The following PNPT1 variants were observed in gnomAD, a reference collection of about 807,000 sequenced individuals.
PNPT1 encodes polyribonucleotide nucleotidyltransferase 1, mitochondrial.
A neutral mutation model predicts 119.5 loss-of-function variants in PNPT1; 53 were observed. That is an observed-to-expected ratio of 0.44 (90% CI 0.36 to 0.56). The LOEUF (loss-of-function observed/expected upper bound fraction) is 0.56, where lower values mean the gene tolerates loss of function less well. Among genes scored for constraint, PNPT1 ranks in the 20% least tolerant of loss-of-function variants. PNPT1 has a pLI of 0.00. For missense variants in PNPT1, 948 were observed against 938.5 expected (o/e 1.01, Z -0.13); for synonymous variants, 357 against 322.1 (o/e 1.11, Z -1.16).
intron 24 of PNPT1, 25 bp from the exon 25 acceptor site, chr2:55,643,238 G>A (rs763023664): frequency 6.2e-7 from 1 of 1,613,992 alleles, no homozygotes; most frequent in Non-Finnish European, 8.5e-7. Flanking sequence ...TAAGCCATAA[G>A]ATTCATAAAG....
At chr2:55,651,636 G>GCGGAAGGC (rs1370320344) in intron 18 of PNPT1, among the ~76,000 whole-genome samples, 1 of 150,430 alleles carries the variant, frequency 6.6e-6, no homozygotes, top group African/African-American at 2.4e-5. Context: ...CACAAACACT[G>GCGGAAGGC]CGGAAGGCCG....
chr2:55,643,969 T>C (rs1440978262), intron 23 of PNPT1, among the ~76,000 whole-genome samples: 2 of 152,248 alleles, frequency 1.3e-5, no homozygotes, highest in East Asian at 3.8e-4. Context: ...GCTTGATTTC[T>C]TGAAATTCAC....
chr2:55,679,934 A>C (rs1357739045), intron 7 of PNPT1, 139 bp from the exon 8 acceptor site: 1 of 620,408 alleles, frequency 1.6e-6, no homozygotes, highest in African/African-American at 1.9e-5. Context: ...TTTAAGACCC[A>C]CAGAACATCC....
intron 2 of PNPT1, among the ~76,000 whole-genome samples, chr2:55,687,058 C>T (rs1372416013): frequency 4.6e-5 from 7 of 151,760 alleles, no homozygotes. Flanking sequence ...ACTAAAAATA[C>T]AAAAAATTAG....
chr2:55,680,813 A>C, intron 6 of PNPT1, 42 bp downstream of exon 6: 1 of 1,611,378 alleles, frequency 6.2e-7, no homozygotes, highest in Non-Finnish European at 8.5e-7. Context: ...GCTTTAAAAA[A>C]ATTTTTAATC....
intron 26 of PNPT1, among the ~76,000 whole-genome samples, chr2:55,638,690 A>G (rs1695751443): frequency 6.6e-6 from 1 of 152,128 alleles, no homozygotes; most frequent in African/African-American, 2.4e-5. Flanking sequence ...TAACATTCCA[A>G]TGAGTATCCC....
intron 6 of PNPT1, 47 bp downstream of exon 6, chr2:55,680,807 TA>T (rs1351636641): frequency 6.2e-7 from 1 of 1,611,278 alleles, no homozygotes; most frequent in South Asian, 1.1e-5. Flanking sequence ...TTCATTGCTT[TA>T]AAAAAATTTT....
chr2:55,693,102 G>A (rs917006982), intron 1 of PNPT1, among the ~76,000 whole-genome samples: 2 of 152,024 alleles, frequency 1.3e-5, no homozygotes, highest in Non-Finnish European at 2.9e-5. Context: ...CCTCTCCCAG[G>A]TCTTAAACGA....
chr2:55,671,269 A>C, intron 11 of PNPT1, 50 bp downstream of exon 11: 1 of 1,062,970 alleles, frequency 9.4e-7, no homozygotes, highest in Non-Finnish European at 1.3e-6. Flanking sequence ...GCCATGCCTT[A>C]TTAAAGCTGC....
At chr2:55,650,173 C>T (rs922303309) in intron 18 of PNPT1, among the ~76,000 whole-genome samples, 3 of 151,852 alleles carry the variant, frequency 2.0e-5, no homozygotes, top group African/African-American at 7.3e-5. Context: ...TCTACCTCTA[C>T]CCACGGTCTC....
chr2:55,643,188 G>T lies in PNPT1; in HGVS notation c.2039C>A (p.Ala680Glu), dbSNP rs1402295663. Residue 680 changes from alanine to glutamate, a missense_variant, in exon 25 of 28, where the codon GCA (alanine) becomes GAA (glutamate). Coordinates refer to ENST00000447944, the MANE Select transcript of PNPT1 (RefSeq NM_033109.5). ...DDQEQQLEFG[A>E]VYTATITEIR... is the part of the protein sequence containing the mutation. ...TTCAGTTATTGTGGCGGTATATACT[G>T]CTCCAAATTCTAATTGCTGCTCCTG... 2 of 1,614,020 alleles carry T rather than the reference G, an allele frequency of 1.2e-6. No individual in the cohort carries two copies. The highest frequency in any genetic ancestry group is 3.3e-5 in the Admixed American group (2 of 60,000).
chr2:55,657,149 T>C (rs1357073127), intron 15 of PNPT1, among the ~76,000 whole-genome samples: 1 of 151,948 alleles, frequency 6.6e-6, no homozygotes, highest in African/African-American at 2.4e-5. Context: ...GCCAACATGG[T>C]GAGACCCTGT....
chr2:55,644,783 CAT>C, intron 22 of PNPT1, 63 bp from the exon 23 acceptor site: 1 of 1,188,186 alleles, frequency 8.4e-7, no homozygotes, highest in Middle Eastern at 2.0e-4. Flanking sequence ...TAAAACATGC[CAT>C]GGTCACTTGA....
intron 11 of PNPT1, among the ~76,000 whole-genome samples, chr2:55,668,819 C>T (rs1308114790): frequency 1.3e-5 from 2 of 149,574 alleles, no homozygotes; most frequent in African/African-American, 4.9e-5. Flanking sequence ...AGGCTGGGCT[C>T]GAACTCCTGA....
intron 18 of PNPT1, among the ~76,000 whole-genome samples, chr2:55,650,895 T>C (rs1243782672): frequency 1.5e-5 from 2 of 136,502 alleles, no homozygotes; most frequent in African/African-American, 5.6e-5. Context: ...GGCAGGGAGG[T>C]GGGGGGGTCA....
chr2:55,685,264 G>A (rs1697367014), intron 3 of PNPT1, among the ~76,000 whole-genome samples: 2 of 152,180 alleles, frequency 1.3e-5, no homozygotes, highest in Admixed American at 1.3e-4. Context: ...AGTGGCTCAC[G>A]CCTGTAATCC....
intron 25 of PNPT1, among the ~76,000 whole-genome samples, chr2:55,641,836 C>CT (rs1439110538): frequency 6.7e-6 from 1 of 150,196 alleles, no homozygotes; most frequent in Non-Finnish European, 1.5e-5. Flanking sequence ...TGCTTTGAGA[C>CT]TGAAATTGGC....
chr2:55,671,269 A>G, intron 11 of PNPT1, 50 bp downstream of exon 11: 2 of 1,062,970 alleles, frequency 1.9e-6, no homozygotes, highest in Non-Finnish European at 2.7e-6. Flanking sequence ...GCCATGCCTT[A>G]TTAAAGCTGC....
intron 22 of PNPT1, chr2:55,645,092 C>T (rs989908808): frequency 4.0e-5 from 11 of 273,058 alleles, no homozygotes; most frequent in South Asian, 2.8e-4. Flanking sequence ...GGCGCGATCT[C>T]GGCTCACTGC....
Sources: gnomAD v4.1 joint callset for allele counts (sites outside exome capture counted in the v4.1 genomes callset) on GRCh38, gnomAD v4.1.1 for gene constraint, MANE v1.5 for transcripts, NCBI Gene and HGNC (gene_info 2026-07-23, HGNC 2026-07-21) for gene names.